The following SLC28A1 variants were observed in gnomAD, a reference collection of about 807,000 sequenced individuals.
SLC28A1 encodes sodium/nucleoside cotransporter 1.
A neutral mutation model predicts 74.8 loss-of-function variants in SLC28A1; 64 were observed. That is an observed-to-expected ratio of 0.86 (90% CI 0.70 to 1.05). The LOEUF (loss-of-function observed/expected upper bound fraction) is 1.05, where lower values mean the gene tolerates loss of function less well. Ranked by LOEUF, SLC28A1 falls within the 50% of genes least tolerant of loss-of-function variation. The pLI is 0.00. For missense variants in SLC28A1, 828 were observed against 822.8 expected, an observed-to-expected ratio of 1.01 and a Z score of -0.08; for synonymous variants, 359 against 335.0, an observed-to-expected ratio of 1.07 and a Z score of -0.78.
At chr15:84,936,681 G>C (rs114915217) in intron 15 of SLC28A1, among the ~76,000 whole-genome samples, 1,734 of 152,232 alleles carry the variant, frequency 0.011, 41 homozygotes, top group African/African-American at 0.039. Flanking sequence ...ACATTATTGA[G>C]AATGAAAAAA....
At chr15:84,970,689 A>G in the SLC28A1 span, among the ~76,000 whole-genome samples, 1 of 151,972 alleles carries the variant, frequency 6.6e-6, no homozygotes, top group Non-Finnish European at 1.5e-5. Flanking sequence ...TCTCTGTGAA[A>G]ACTTTCCCTT....
intron 12 of SLC28A1, among the ~76,000 whole-genome samples, chr15:84,928,565 T>TTGAGA (rs1970808217): frequency 5.4e-5 from 1 of 18,624 alleles, no homozygotes; most frequent in African/African-American, 2.6e-4. Flanking sequence ...TTTCTTTCTT[T>TTGAGA]CTTTCTTTCT....
chr15:84,910,368 TC>T (rs1967967777), intron 9 of SLC28A1, among the ~76,000 whole-genome samples: 1 of 152,186 alleles, frequency 6.6e-6, no homozygotes, highest in Admixed American at 6.5e-5. Flanking sequence ...ACAAGTAAGG[TC>T]TGCTTCAGGG....
At chr15:84,903,869 CA>C (rs1596252641) in intron 6 of SLC28A1, among the ~76,000 whole-genome samples, 2 of 152,122 alleles carry the variant, frequency 1.3e-5, no homozygotes, top group East Asian at 3.9e-4. Context: ...TCATTTGACC[CA>C]TGAGGAAACT....
intron 12 of SLC28A1, among the ~76,000 whole-genome samples, chr15:84,927,358 G>T (rs533467586): frequency 3.9e-5 from 6 of 152,324 alleles, no homozygotes; most frequent in Admixed American, 1.3e-4. Flanking sequence ...AGGGAAAATT[G>T]TCCATTTTTA....
chr15:84,920,906 T>A (rs1424659685), intron 10 of SLC28A1, 83 bp from the exon 11 acceptor site: 1 of 1,063,458 alleles, frequency 9.4e-7, no homozygotes, highest in Admixed American at 1.7e-5. Context: ...GGGAGGAAAC[T>A]GTGTAAGGTC....
At chr15:84,959,562 G>A in the SLC28A1 span, among the ~76,000 whole-genome samples, 1 of 142,154 alleles carries the variant, frequency 7.0e-6, no homozygotes. Flanking sequence ...TTATAATTTT[G>A]TTTGCTTTCT....
the SLC28A1 span, among the ~76,000 whole-genome samples, chr15:84,956,103 C>A: frequency 2.0e-5 from 3 of 152,188 alleles, no homozygotes; most frequent in African/African-American, 7.2e-5. Flanking sequence ...CTCTTTCAGT[C>A]ATTTCTGTTA....
chr15:84,952,814 G>A, the SLC28A1 span, among the ~76,000 whole-genome samples: 12 of 152,172 alleles, frequency 7.9e-5, 1 homozygote, highest in South Asian at 4.1e-4. Flanking sequence ...AGCTGTGATC[G>A]TGCCACTGCA....
chr15:84,927,370 G>T lies in SLC28A1; in HGVS notation c.1083+3260G>T, dbSNP rs137944217. Among the ~76,000 whole-genome samples, 1,010 of 152,290 alleles carry T rather than the reference G, an allele frequency of 6.6e-3. 17 individuals carry two copies. The highest frequency in any genetic ancestry group is 0.023 in the African/African-American group (973 of 41,560). On this transcript the variant is annotated intron_variant, in intron 12 of 18. Coordinates refer to ENST00000394573, the MANE Select transcript of SLC28A1 (RefSeq NM_004213.5). ...TACAGGGAAAATTGTCCATTTTTAC[G>T]CTCAGGTTCAACAAAGTATGGATAG...
At position 84,907,064 on chromosome 15, in the gene SLC28A1, T is replaced by C. The variant is rs1596267062; in HGVS notation, c.717+1412T>C. ...AAATAGCAGATTGGTTGTTTCAAGG[T>C]CACTTTCCTTATAAAGGTCACAGCT... On this transcript the variant is annotated intron_variant, in intron 8 of 18. Transcript: ENST00000394573. Among the ~76,000 whole-genome samples the C allele has an allele frequency of 2.0e-5, 3 of 152,264 alleles. No individual in the cohort carries two copies. In the South Asian group the frequency reaches 6.2e-4, roughly 32 times the overall value.
intron 17 of SLC28A1, 38 bp from the exon 18 acceptor site, chr15:84,944,718 C>T (rs1361214506): frequency 3.4e-6 from 5 of 1,459,362 alleles, no homozygotes; most frequent in Non-Finnish European, 4.5e-6. Context: ...TCTGGCTAGC[C>T]CGGGGGCCCT....
chr15:84,973,053 AGGCCCTGCATGGTCT>A, the SLC28A1 span, among the ~76,000 whole-genome samples: 2 of 137,986 alleles, frequency 1.4e-5, no homozygotes, highest in African/African-American at 7.1e-5. Context: ...ATGGCTGACA[AGGCCCTGCATGGTCT>A]GACTTTATGC....
intron 7 of SLC28A1, 40 bp from the exon 8 acceptor site, chr15:84,905,499 C>G (rs754087455): frequency 1.4e-6 from 2 of 1,434,060 alleles, no homozygotes; most frequent in Non-Finnish European, 2.0e-6. Context: ...GCCCATCCCT[C>G]AAGGAACTGA....
chr15:84,952,076 A>C, the SLC28A1 span, among the ~76,000 whole-genome samples: 3 of 152,122 alleles, frequency 2.0e-5, no homozygotes, highest in African/African-American at 7.2e-5. Flanking sequence ...CAGTCTACCC[A>C]CTAAGATCCG....
chr15:84,945,401 T>C lies in SLC28A1; in HGVS notation c.*201T>C. The stretch of plus-strand genomic sequence containing the variant: ...ATAAGGAAGGACATGTCCCACTCCA[T>C]CCCCCTTCCTGCTCCCCCATTTCCT... On this transcript the variant is annotated 3_prime_UTR_variant, in exon 19 of 19. Coordinates refer to ENST00000394573, the MANE Select transcript of SLC28A1 (RefSeq NM_004213.5). The C allele has an allele frequency of 1.7e-6, 1 of 601,564 alleles. No individual in the cohort carries two copies. Among genetic ancestry groups the C allele is most frequent in the Non-Finnish European group, 3.0e-6 (1 of 329,182 alleles). 37.3% of individuals were successfully genotyped at this position (601,564 alleles called of 1,614,324 possible). A position where few individuals can be genotyped will look rare whatever the true frequency, so the allele number is the denominator to read the frequency against.
intron 12 of SLC28A1, among the ~76,000 whole-genome samples, chr15:84,925,785 T>A (rs548776982): frequency 8.3e-4 from 126 of 152,160 alleles, no homozygotes; most frequent in African/African-American, 2.4e-3. Context: ...CTTTTTTTTT[T>A]AATAAAAGTT....
At chr15:84,955,639 A>T in the SLC28A1 span, among the ~76,000 whole-genome samples, 7 of 152,174 alleles carry the variant, frequency 4.6e-5, no homozygotes, top group African/African-American at 1.7e-4. Flanking sequence ...CCTGGCTGCG[A>T]GGCTGCAGAG....
chr15:84,932,445 G>A (rs954867422), intron 12 of SLC28A1, among the ~76,000 whole-genome samples: 4 of 152,178 alleles, frequency 2.6e-5, no homozygotes, highest in African/African-American at 4.8e-5. Flanking sequence ...TTTTCACAGC[G>A]TGGCTCCCAG....
Sources: allele counts gnomAD v4.1 joint callset (sites outside exome capture counted in the v4.1 genomes callset), GRCh38; gene constraint gnomAD v4.1.1; transcripts MANE v1.5; gene names NCBI Gene and HGNC (gene_info 2026-07-23, HGNC 2026-07-21).